The following TMC7 variants were observed in gnomAD, a reference collection of about 807,000 sequenced individuals.
The protein encoded by TMC7 is transmembrane channel like 7, also known as transmembrane channel-like protein 7.
Under a neutral mutation model 82.9 loss-of-function variants are expected in TMC7, and 54 were observed. The ratio of observed to expected loss-of-function variants is 0.65; its 90% CI spans 0.52 to 0.82. TMC7 has a LOEUF of 0.82. Ranked by LOEUF, TMC7 falls within the 40% of genes least tolerant of loss-of-function variation. The probability of loss-of-function intolerance (pLI) is 0.00; values close to 1 mark genes in which losing one functional copy is unlikely to be tolerated. For missense variants in TMC7, 820 were observed against 901.2 expected, an observed-to-expected ratio of 0.91 and a Z score of 1.15; for synonymous variants, 350 against 337.9, an observed-to-expected ratio of 1.04 and a Z score of -0.39.
rs76074567 is a variant in TMC7, at chr16:19,051,032, G to A, written c.1741-654G>A. Among the ~76,000 whole-genome samples, 962 of 152,174 alleles carry A rather than the reference G, an allele frequency of 6.3e-3. 10 individuals are homozygous for A. The highest frequency in any genetic ancestry group is 0.022 in the African/African-American group (908 of 41,536). On this transcript the variant is annotated intron_variant, in intron 12 of 15. Coordinates refer to ENST00000304381, the MANE Select transcript of TMC7 (RefSeq NM_024847.4). ...CTCCCAAAGTGCTGGAATTACAGACGTGAGATGTCTCACGCAGCCACGAGC... is the reference window on the plus strand; with the variant it reads ...CTCCCAAAGTGCTGGAATTACAGACATGAGATGTCTCACGCAGCCACGAGC...
At chr16:19,003,955 C>T (rs2039187744) in intron 1 of TMC7, among the ~76,000 whole-genome samples, 1 of 136,310 alleles carries the variant, frequency 7.3e-6, no homozygotes, top group Non-Finnish European at 1.6e-5. Flanking sequence ...TGTTTATCTG[C>T]TGACCTTCCC....
intron 15 of TMC7, among the ~76,000 whole-genome samples, chr16:19,060,865 C>T (rs1026550679): frequency 1.3e-5 from 2 of 151,106 alleles, no homozygotes; most frequent in Non-Finnish European, 2.9e-5. Flanking sequence ...CAGCTCACTG[C>T]AACCTCCACC....
intron 1 of TMC7, among the ~76,000 whole-genome samples, chr16:19,008,894 C>T (rs769750093): frequency 3.3e-5 from 5 of 152,094 alleles, no homozygotes; most frequent in Non-Finnish European, 7.3e-5. Context: ...TGCCCAAGGC[C>T]ATGCTTTTAG....
chr16:19,027,740 A>G (rs1960303007), intron 5 of TMC7, among the ~76,000 whole-genome samples: 1 of 152,092 alleles, frequency 6.6e-6, no homozygotes. Flanking sequence ...TTTCCAGTTA[A>G]CACATGACTT....
rs976532368 is a variant in TMC7, at chr16:19,051,919, G to C, written c.1871+103G>C. 2.4e-5 allele frequency: 35 copies of C among 1,462,730 alleles called. No homozygotes were observed. In the African/African-American group the frequency reaches 4.5e-4, roughly 19 times the overall value. The allele number at this position is 1,462,730 out of a possible 1,614,324, so 90.6% of individuals were successfully genotyped here. ...TCACATTTTTTTTTTTTTTGAGATG[G>C]AGTCTTGCTCTGTCACCCAGGCTGG... On this transcript the variant is annotated intron_variant, in intron 13 of 15. Coordinates refer to ENST00000304381, the MANE Select transcript of TMC7 (RefSeq NM_024847.4).
chr16:19,063,055 A>G lies in TMC7; in HGVS notation c.*1212A>G, dbSNP rs1962073324. On this transcript the variant is annotated 3_prime_UTR_variant, in exon 16 of 16. Coordinates refer to ENST00000304381, the MANE Select transcript of TMC7 (RefSeq NM_024847.4). ...CTTACAGCCATTTTCTTGCTTTTCC[A>G]CAAAGATATTATTTAAAGTGGAATA... 1 of 152,208 alleles carries G rather than the reference A, an allele frequency of 6.6e-6. No individual in the cohort carries two copies. The highest frequency in any genetic ancestry group is 1.5e-5 in the Non-Finnish European group (1 of 68,044). The allele number at this position is 152,208 out of a possible 1,614,324, so 9.4% of individuals were successfully genotyped here. A position where few individuals can be genotyped will look rare whatever the true frequency, so the allele number is the denominator to read the frequency against.
intron 1 of TMC7, among the ~76,000 whole-genome samples, chr16:18,993,624 C>T (rs2038988730): frequency 6.6e-6 from 1 of 152,184 alleles, no homozygotes; most frequent in Non-Finnish European, 1.5e-5. Flanking sequence ...TTTGATGGCC[C>T]TTGCAGTGAA....
At chr16:19,058,131 C>T (rs55736933) in intron 14 of TMC7, among the ~76,000 whole-genome samples, 28,764 of 152,014 alleles carry the variant, frequency 0.19, 2,904 homozygotes, top group Non-Finnish European at 0.21. Flanking sequence ...GTGGCTCACG[C>T]CTGTAATCCC....
At chr16:19,043,646 C>T (rs938856902) in intron 9 of TMC7, among the ~76,000 whole-genome samples, 4 of 152,128 alleles carry the variant, frequency 2.6e-5, no homozygotes, top group African/African-American at 9.7e-5. Flanking sequence ...TCTTATCTCA[C>T]CGCAACCTTC....
At chr16:19,009,846 C>T (rs185299478) in intron 2 of TMC7, among the ~76,000 whole-genome samples, 1,945 of 147,790 alleles carry the variant, frequency 0.013, 20 homozygotes, top group Middle Eastern at 0.054. Context: ...GAGGCTGAGG[C>T]AGGGGAATGG....
chr16:19,014,514 T>C (rs1408124063), intron 2 of TMC7, among the ~76,000 whole-genome samples: 2 of 152,236 alleles, frequency 1.3e-5, no homozygotes, highest in East Asian at 3.8e-4. Context: ...GAGGACAGAC[T>C]GGTGGGAGGG....
In TMC7 at chr16:19,037,872, A is replaced by G. The variant is rs1960828294; in HGVS notation, c.1006-2A>G. ...CACAAGTGAATTTTCTTTTATCTTC[A>G]GGCAGATCTGGAGGAAGAAAGAATG... On this transcript the variant is annotated splice_acceptor_variant, in intron 7 of 15. Transcript: ENST00000304381. LOFTEE classifies it high-confidence loss of function. 6.2e-7 allele frequency: 1 copy of G among 1,610,702 alleles called. No homozygotes were observed.
At chr16:19,003,481 C>T (rs1238358074) in intron 1 of TMC7, among the ~76,000 whole-genome samples, 1 of 150,244 alleles carries the variant, frequency 6.7e-6, no homozygotes, top group Non-Finnish European at 1.5e-5. Flanking sequence ...GCCGCCCCTA[C>T]TGGGAAGTGA....
At chr16:18,986,210 G>A (rs1341265356) in intron 1 of TMC7, among the ~76,000 whole-genome samples, 4 of 151,820 alleles carry the variant, frequency 2.6e-5, no homozygotes, top group Non-Finnish European at 4.4e-5. Context: ...CCTGGCTAAC[G>A]TGGTGAAATC....
chr16:19,056,806 T>G, intron 14 of TMC7, 109 bp downstream of exon 14: 1 of 1,245,372 alleles, frequency 8.0e-7, no homozygotes, highest in Non-Finnish European at 1.1e-6. Context: ...TGAGCTTCTT[T>G]GAACTGCACT....
chr16:19,046,478 C>G (rs1324040886), intron 11 of TMC7, among the ~76,000 whole-genome samples: 1 of 152,154 alleles, frequency 6.6e-6, no homozygotes, highest in African/African-American at 2.4e-5. Flanking sequence ...GTTCACTTAA[C>G]CACTGTTTAC....
chr16:19,021,510 C>T (rs1175710810), intron 3 of TMC7, 119 bp from the exon 4 acceptor site: 2 of 1,089,222 alleles, frequency 1.8e-6, no homozygotes, highest in Non-Finnish European at 2.6e-6. Context: ...AAAAATAAAA[C>T]GTTTCTTCCT....
rs191592802 is a variant in TMC7 at position 19,026,243 on chromosome 16, G to A, written c.711+3048G>A. Among the ~76,000 whole-genome samples the A allele has an allele frequency of 2.8e-3, 425 of 151,914 alleles. 6 individuals are homozygous for A. Among genetic ancestry groups the A allele is most frequent in the African/African-American group, 9.6e-3 (398 of 41,492 alleles). The stretch of plus-strand genomic sequence containing the variant: ...TGTAATCCCAGCACTTTGGGAGGCC[G>A]AGGCGGGTGGATCATGAGGTCAGGA... On this transcript the variant is annotated intron_variant, in intron 5 of 15. Transcript: ENST00000304381.
chr16:18,985,502 C>G (rs1377033734), intron 1 of TMC7, among the ~76,000 whole-genome samples: 1 of 151,970 alleles, frequency 6.6e-6, no homozygotes, highest in East Asian at 1.9e-4. Flanking sequence ...TTAGTTGGTT[C>G]CTATTAATAG....
Sources: gnomAD v4.1 joint callset for allele counts (sites outside exome capture counted in the v4.1 genomes callset) on GRCh38, gnomAD v4.1.1 for gene constraint, MANE v1.5 for transcripts, NCBI Gene and HGNC (gene_info 2026-07-23, HGNC 2026-07-21) for gene names.